Variants in HEPHL1 observed in about 807,000 individuals in gnomAD.
HEPHL1 encodes the protein hephaestin like 1, also known as ferroxidase HEPHL1.
HEPHL1 carries 123 observed loss-of-function variants against 122.0 expected under a neutral mutation model. The observed-to-expected ratio is 1.01, with a 90% confidence interval of 0.87 to 1.17. The LOEUF (loss-of-function observed/expected upper bound fraction) is 1.17. Among genes scored for constraint, HEPHL1 ranks in the 50% most tolerant of loss-of-function variants. HEPHL1 has a pLI of 0.00. For missense variants in HEPHL1, 1,452 were observed against 1,430.5 expected, an observed-to-expected ratio of 1.01 and a Z score of -0.24; for synonymous variants, 527 against 508.9, an observed-to-expected ratio of 1.04 and a Z score of -0.48.
rs374249001 is a variant in HEPHL1 at position 94,066,323 on chromosome 11, G to A, written c.809-1173G>A. Among the ~76,000 whole-genome samples the A allele has an allele frequency of 9.9e-5, 15 of 152,240 alleles. No individual in the cohort carries two copies. The East Asian group carries it at 2.1e-3, about 22-fold the overall frequency. On this transcript the variant is annotated intron_variant, in intron 4 of 19. Coordinates refer to ENST00000315765, the MANE Select transcript of HEPHL1 (RefSeq NM_001098672.2). The stretch of plus-strand genomic sequence containing the variant: ...TAATCCCAGCACTTTGGGAGGCCAA[G>A]GTGGGAGGATCACTTGAGGCCAGGA...
At position 94,100,278 on chromosome 11, in the gene HEPHL1, A is replaced by G. The variant is rs190816052; in HGVS notation, c.2435-917A>G. 4.5e-4 allele frequency among the ~76,000 whole-genome samples: 69 copies of G among 152,366 alleles called. 1 individual carries two copies. The highest frequency in any genetic ancestry group is 3.4e-3 in the Middle Eastern group (1 of 294). On this transcript the variant is annotated intron_variant, in intron 13 of 19. Coordinates refer to ENST00000315765, the MANE Select transcript of HEPHL1 (RefSeq NM_001098672.2). ...AAACCATGGCTTGAATCAGCAAGGAATTGATATGTGTGGCCAGACCACCAA... is the reference window on the plus strand; with the variant it reads ...AAACCATGGCTTGAATCAGCAAGGAGTTGATATGTGTGGCCAGACCACCAA...
chr11:94,098,890 T>C (rs1946343010), intron 13 of HEPHL1, among the ~76,000 whole-genome samples: 1 of 152,216 alleles, frequency 6.6e-6, no homozygotes, highest in African/African-American at 2.4e-5. Flanking sequence ...TTCTCTACAC[T>C]GGTTATTCTA....
chr11:94,069,510 TA>T (rs1946058246), intron 5 of HEPHL1, among the ~76,000 whole-genome samples: 2 of 152,168 alleles, frequency 1.3e-5, no homozygotes, highest in African/African-American at 4.8e-5. Flanking sequence ...TTCTATTTCT[TA>T]ATATGTAAAT....
chr11:94,093,586 G>A lies in HEPHL1; in HGVS notation c.2380G>A (p.Glu794Lys). 1 of 1,613,814 alleles carries A rather than the reference G, an allele frequency of 6.2e-7. No homozygotes were observed. Among genetic ancestry groups the A allele is most frequent in the Non-Finnish European group, 8.5e-7 (1 of 1,179,852 alleles). The change falls in exon 13 of 20, where the codon GAA becomes AAA. Residue 794 changes from glutamate to lysine, a missense_variant. Transcript: ENST00000315765. ...GGTTTACAGGGAATATACGGATGGA[G>A]AATTTGTGGAGATCAAAGCCCGACC... ...KVVYREYTDGEFVEIKARPPR... is the reference protein window; with the variant it reads ...KVVYREYTDGKFVEIKARPPR...
rs1021519760 is a variant in HEPHL1 at position 94,113,468 on chromosome 11, T to C, written c.*1574T>C. On this transcript the variant is annotated 3_prime_UTR_variant, in exon 20 of 20. Transcript: ENST00000315765. ...ATGCAAATGCTAATAGTTCTGTTCA[T>C]AGTTTGCTTGAATGTCATATCAAAC... 9 of 152,236 alleles carry C rather than the reference T, an allele frequency of 5.9e-5. No individual in the cohort carries two copies. The highest frequency in any genetic ancestry group is 2.2e-4 in the African/African-American group (9 of 41,466). The allele number at this position is 152,236 out of a possible 1,614,324, so 9.4% of individuals were successfully genotyped here.
chr11:94,102,925 A>C lies in HEPHL1; in HGVS notation c.2587A>C (p.Thr863Pro). Reference protein sequence around the residue: ...VPMTKPGEVKTYRWNIPKRSG... With the variant: ...VPMTKPGEVKPYRWNIPKRSG... ...TTCATTTATTACAGGAGAAGTAAAAACTTATAGATGGAATATCCCTAAAAG... is the reference window on the plus strand; with the variant it reads ...TTCATTTATTACAGGAGAAGTAAAACCTTATAGATGGAATATCCCTAAAAG... Residue 863 changes from threonine (T) to proline (P), a missense_variant, in exon 15 of 20, where the codon ACT becomes CCT. Physicochemically the swap from Thr to Pro is conservative, Grantham distance 38. Coordinates refer to ENST00000315765, the MANE Select transcript of HEPHL1 (RefSeq NM_001098672.2). 6.4e-7 allele frequency: 1 copy of C among 1,571,508 alleles called. No individual in the cohort carries two copies. The highest frequency in any genetic ancestry group is 8.8e-7 in the Non-Finnish European group (1 of 1,142,794).
At position 94,063,489 on chromosome 11, in the gene HEPHL1, T is replaced by A. The variant is rs577802318; in HGVS notation, c.416-19T>A. ...TTTAACTATGTTTTACCTTTTTTTT[T>A]AATTTTATTTTTTGGAAGGAGCCCT... On this transcript the variant is annotated intron_variant, in intron 2 of 19. Coordinates refer to ENST00000315765, the MANE Select transcript of HEPHL1 (RefSeq NM_001098672.2). 1.3e-4 allele frequency: 207 copies of A among 1,542,470 alleles called. 1 individual carries two copies. In the African/African-American group the frequency reaches 1.3e-3, roughly 10 times the overall value.
At chr11:94,036,328 G>T (rs539066774) in intron 1 of HEPHL1, among the ~76,000 whole-genome samples, 12 of 152,268 alleles carry the variant, frequency 7.9e-5, no homozygotes, top group South Asian at 2.1e-4. Context: ...CTGGGGCTTG[G>T]GACTAGACAA....
intron 1 of HEPHL1, among the ~76,000 whole-genome samples, chr11:94,045,375 G>A (rs1171551745): frequency 6.6e-6 from 1 of 152,242 alleles, no homozygotes; most frequent in African/African-American, 2.4e-5. Context: ...AAATGAAAAA[G>A]CAAAGGGGAA....
intron 1 of HEPHL1, among the ~76,000 whole-genome samples, chr11:94,036,519 A>G (rs1213767783): frequency 1.3e-5 from 2 of 152,128 alleles, no homozygotes; most frequent in Admixed American, 1.3e-4. Context: ...AATGCCATAG[A>G]ACAGAGCTTC....
chr11:94,106,355 C>T lies in HEPHL1; in HGVS notation c.3045+225C>T, dbSNP rs565851506. On this transcript the variant is annotated intron_variant, in intron 17 of 19. Transcript: ENST00000315765. ...TTGCCCAGGGCGGAGTGCAGTGGCA[C>T]AATCTCAGCTCACTGCAAGCTCCAC... 4.0e-5 allele frequency among the ~76,000 whole-genome samples: 6 copies of T among 148,944 alleles called. No individual in the cohort carries two copies. The South Asian group carries it at 1.3e-3, about 31-fold the overall frequency.
At chr11:94,046,176 C>A (rs1488148639) in intron 2 of HEPHL1, among the ~76,000 whole-genome samples, 1 of 135,316 alleles carries the variant, frequency 7.4e-6, no homozygotes, top group Non-Finnish European at 1.5e-5. Context: ...CTCACTGCAA[C>A]CTCCGTCTCC....
chr11:94,065,330 A>G (rs1946024633), intron 4 of HEPHL1, among the ~76,000 whole-genome samples: 1 of 152,220 alleles, frequency 6.6e-6, no homozygotes, highest in Admixed American at 6.5e-5. Context: ...GCTGAAGATC[A>G]TCTAACGTCT....
At chr11:94,071,314 GTTTC>G (rs1946071863) in intron 6 of HEPHL1, among the ~76,000 whole-genome samples, 1 of 143,270 alleles carries the variant, frequency 7.0e-6, no homozygotes, top group South Asian at 2.3e-4. Context: ...AACATCATTT[GTTTC>G]TTTAATTGTA....
chr11:94,075,617 A>T (rs920262970), intron 9 of HEPHL1, among the ~76,000 whole-genome samples: 3 of 152,162 alleles, frequency 2.0e-5, no homozygotes, highest in Admixed American at 2.0e-4. Flanking sequence ...TGTTGTGGTT[A>T]GGATTTGGCA....
At chr11:94,054,474 G>C (rs1945918837) in intron 2 of HEPHL1, among the ~76,000 whole-genome samples, 1 of 152,154 alleles carries the variant, frequency 6.6e-6, no homozygotes, top group South Asian at 2.1e-4. Flanking sequence ...GTTTCCACTG[G>C]TCACACAGTT....
At chr11:94,083,357 T>C (rs1946188734) in intron 10 of HEPHL1, among the ~76,000 whole-genome samples, 1 of 152,196 alleles carries the variant, frequency 6.6e-6, no homozygotes, top group Admixed American at 6.5e-5. Context: ...TAATTCTCTC[T>C]CCCTGTCTCT....
At chr11:94,111,205 A>C (rs1946446094) in intron 18 of HEPHL1, 140 bp downstream of exon 18, 3 of 700,048 alleles carry the variant, frequency 4.3e-6, no homozygotes, top group Admixed American at 2.9e-5. Flanking sequence ...TAAATATGTA[A>C]CTATAATCAA....
At chr11:94,064,977 T>G (rs560666788) in intron 4 of HEPHL1, among the ~76,000 whole-genome samples, 1 of 152,310 alleles carries the variant, frequency 6.6e-6, no homozygotes, top group African/African-American at 2.4e-5. Flanking sequence ...AAATAAGCAC[T>G]TGTGAATTCA....
Sources: gnomAD v4.1 joint callset for allele counts (sites outside exome capture counted in the v4.1 genomes callset) on GRCh38, gnomAD v4.1.1 for gene constraint, MANE v1.5 for transcripts, NCBI Gene and HGNC (gene_info 2026-07-23, HGNC 2026-07-21) for gene names.